Variants in ARL6IP5 observed in about 807,000 individuals in gnomAD.
The protein encoded by ARL6IP5 is ARF like GTPase 6 interacting protein 5.
Under a neutral mutation model 13.0 loss-of-function variants are expected in ARL6IP5, and 6 were observed. The ratio of observed to expected loss-of-function variants is 0.46; its 90% CI spans 0.25 to 0.91. The LOEUF (loss-of-function observed/expected upper bound fraction) is 0.91. Ranked by LOEUF, ARL6IP5 falls within the 40% of genes least tolerant of loss-of-function variation. ARL6IP5 has a pLI of 0.17. For synonymous variants in ARL6IP5, 91 were observed against 91.9 expected, an observed-to-expected ratio of 0.99 and a Z score of 0.06; for missense variants, 208 against 248.8, an observed-to-expected ratio of 0.84 and a Z score of 1.10.
intron 1 of ARL6IP5, among the ~76,000 whole-genome samples, chr3:69,090,460 T>C (rs770077862): frequency 2.6e-5 from 4 of 152,204 alleles, no homozygotes; most frequent in Non-Finnish European, 5.9e-5. Context: ...TGATAACTAA[T>C]TTGTATACAA....
chr3:69,093,727 A>C lies in ARL6IP5; in HGVS notation c.177-8112A>C, dbSNP rs796443649. Among the ~76,000 whole-genome samples the C allele has an allele frequency of 9.9e-5, 15 of 151,182 alleles. 1 individual carries two copies. The highest frequency in any genetic ancestry group is 3.6e-4 in the African/African-American group (15 of 41,128). ...CAGCGAGCCAAGATTGTGTCACTGC[A>C]CTTCAGCCTGCCGACAGAGGGAGAT... On this transcript the variant is annotated intron_variant, in intron 1 of 2. Transcript: ENST00000273258.
chr3:69,094,538 C>T (rs139397665), intron 1 of ARL6IP5, among the ~76,000 whole-genome samples: 24 of 152,092 alleles, frequency 1.6e-4, no homozygotes, highest in Middle Eastern at 3.4e-3. Flanking sequence ...AGAAGTCCAC[C>T]GTGAGTATAT....
chr3:69,104,747 T>C lies in ARL6IP5; in HGVS notation c.*111T>C. The stretch of plus-strand genomic sequence containing the variant: ...AACAGGAGGTGCACGTACCACCCAA[T>C]TATCTATGGCAGCATGCATGTATAG... On this transcript the variant is annotated 3_prime_UTR_variant, in exon 3 of 3. Coordinates refer to ENST00000273258, the MANE Select transcript of ARL6IP5 (RefSeq NM_006407.4). The C allele has an allele frequency of 2.5e-6, 3 of 1,200,432 alleles. No individual in the cohort carries two copies. Among genetic ancestry groups the C allele is most frequent in the Non-Finnish European group, 3.6e-6 (3 of 831,064 alleles). The allele number at this position is 1,200,432 out of a possible 1,614,324, so 74.4% of individuals were successfully genotyped here.
chr3:69,085,257 C>A (rs771000582), intron 1 of ARL6IP5, 34 bp downstream of exon 1: 3 of 1,592,222 alleles, frequency 1.9e-6, no homozygotes, highest in South Asian at 1.1e-5. Context: ...GACACCGATC[C>A]GGGGCGAGCA....
rs777496529 is a variant in ARL6IP5, at chr3:69,102,071, G to GT, written c.394+21dup. The GT allele has an allele frequency of 2.4e-5, 38 of 1,609,298 alleles. No homozygotes were observed. Among genetic ancestry groups the GT allele is most frequent in the Non-Finnish European group, 3.0e-5 (35 of 1,175,996 alleles). ...TCCTTTGCTGTGTAAGTGAACTTGA[G>GT]TTTTTTCTTCCATCATCAAAAAAAT... is the stretch of plus-strand genomic sequence containing the variant. On this transcript the variant is annotated intron_variant, in intron 2 of 2. Coordinates refer to ENST00000273258, the MANE Select transcript of ARL6IP5 (RefSeq NM_006407.4).
intron 1 of ARL6IP5, among the ~76,000 whole-genome samples, chr3:69,094,497 T>C (rs2092280662): frequency 6.6e-6 from 1 of 152,136 alleles, no homozygotes; most frequent in Non-Finnish European, 1.5e-5. Flanking sequence ...TCTGGCTGAT[T>C]AAGGACCACA....
chr3:69,085,189 C>T lies in ARL6IP5; in HGVS notation c.142C>T (p.Leu48=). ...SNLLYYQTNY[L]VVAAMMISIV... is the part of the protein sequence containing the mutation. ...CCTGCTCTATTACCAGACCAACTAC[C>T]TGGTGGTGGCTGCCATGATGATTTC... The change falls in exon 1 of 3, where the codon CTG becomes TTG. Residue 48 remains leucine (L), a synonymous_variant. Coordinates refer to ENST00000273258, the MANE Select transcript of ARL6IP5 (RefSeq NM_006407.4). 1.9e-6 allele frequency: 3 copies of T among 1,614,032 alleles called. No individual in the cohort carries two copies. The highest frequency in any genetic ancestry group is 2.5e-6 in the Non-Finnish European group (3 of 1,179,944).
chr3:69,092,860 A>C (rs562831678), intron 1 of ARL6IP5, among the ~76,000 whole-genome samples: 38 of 151,758 alleles, frequency 2.5e-4, no homozygotes, highest in African/African-American at 7.5e-4. Context: ...ATTCAAGAAG[A>C]ACAGTTTGTA....
intron 1 of ARL6IP5, chr3:69,099,906 A>C (rs1696466882): frequency 6.5e-6 from 1 of 152,760 alleles, no homozygotes; most frequent in African/African-American, 2.4e-5. Flanking sequence ...ATAATGCCCA[A>C]AACTTTGTCT....
rs1575867257 is a variant in ARL6IP5 at position 69,105,870 on chromosome 3, G to C, written c.*1234G>C. The C allele has an allele frequency of 6.6e-6, 1 of 152,154 alleles. No homozygotes were observed. The highest frequency in any genetic ancestry group is 2.4e-5 in the African/African-American group (1 of 41,446). The allele number at this position is 152,154 out of a possible 1,614,324, so 9.4% of individuals were successfully genotyped here. On this transcript the variant is annotated 3_prime_UTR_variant, in exon 3 of 3. Coordinates refer to ENST00000273258, the MANE Select transcript of ARL6IP5 (RefSeq NM_006407.4). The stretch of plus-strand genomic sequence containing the variant: ...ATTAAATTGTGAAGACAACTGGAGT[G>C]GTACTTACTGAAGAAACTCTCTGTA...
intron 1 of ARL6IP5, among the ~76,000 whole-genome samples, chr3:69,098,846 A>G (rs962922569): frequency 2.0e-5 from 3 of 152,180 alleles, no homozygotes; most frequent in African/African-American, 4.8e-5. Flanking sequence ...TGTGTATACA[A>G]TACCACAGCT....
chr3:69,103,134 T>A (rs1051293970), intron 2 of ARL6IP5, among the ~76,000 whole-genome samples: 10 of 152,248 alleles, frequency 6.6e-5, no homozygotes, highest in African/African-American at 2.4e-4. Context: ...GGATAAAATA[T>A]CTGAGCCAAC....
At chr3:69,090,995 A>C (rs1224686814) in intron 1 of ARL6IP5, among the ~76,000 whole-genome samples, 1 of 152,120 alleles carries the variant, frequency 6.6e-6, no homozygotes, top group African/African-American at 2.4e-5. Context: ...TCAGGAGTTT[A>C]AGACCAGCCC....
In ARL6IP5 at chr3:69,085,746, A is replaced by AG. The variant is rs556401244; in HGVS notation, c.176+530dup. Among the ~76,000 whole-genome samples, 77 of 151,968 alleles carry AG rather than the reference A, an allele frequency of 5.1e-4. 1 individual carries two copies. Among genetic ancestry groups the AG allele is most frequent in the South Asian group, 4.8e-3 (23 of 4,784 alleles). On this transcript the variant is annotated intron_variant, in intron 1 of 2. Transcript: ENST00000273258. ...CAGTAAAGCTGAGCTTGGGATCAAA[A>AG]GGGGGGGTGTCTCCTGGTGGCGCAT...
chr3:69,093,856 G>A (rs1356066469), intron 1 of ARL6IP5, among the ~76,000 whole-genome samples: 1 of 152,192 alleles, frequency 6.6e-6, no homozygotes, highest in Non-Finnish European at 1.5e-5. Context: ...TACTCAGAAG[G>A]CTGAGGAAGG....
At chr3:69,091,123 G>C (rs751657651) in intron 1 of ARL6IP5, among the ~76,000 whole-genome samples, 1 of 152,118 alleles carries the variant, frequency 6.6e-6, no homozygotes, top group Non-Finnish European at 1.5e-5. Flanking sequence ...TTTTGAGCGT[G>C]GGAGGCGGAG....
At position 69,085,079 on chromosome 3, in the gene ARL6IP5, G is replaced by T; in HGVS notation, c.32G>T (p.Trp11Leu). MDVNIAPLRA[W>L]DDFFPGSDRF... ...GTTAATATCGCCCCACTCCGCGCCT[G>T]GGACGATTTCTTCCCGGGTTCCGAT... Residue 11 changes from tryptophan to leucine, a missense_variant, in exon 1 of 3, where the codon TGG becomes TTG. Physicochemically the swap from Trp to Leu is moderately conservative, Grantham distance 61. Transcript: ENST00000273258. 1 of 1,614,162 alleles carries T rather than the reference G, an allele frequency of 6.2e-7. No homozygotes were observed. The highest frequency in any genetic ancestry group is 8.5e-7 in the Non-Finnish European group (1 of 1,180,032).
chr3:69,087,072 G>A (rs898195514), intron 1 of ARL6IP5, among the ~76,000 whole-genome samples: 1 of 151,974 alleles, frequency 6.6e-6, no homozygotes, highest in Non-Finnish European at 1.5e-5. Context: ...CCAGGCTGGA[G>A]TGCAGTATTG....
At chr3:69,104,257 A>T (rs1272464129) in intron 2 of ARL6IP5, among the ~76,000 whole-genome samples, 1 of 152,144 alleles carries the variant, frequency 6.6e-6, no homozygotes, top group Non-Finnish European at 1.5e-5. Flanking sequence ...ATTTTCCTTT[A>T]ATGCAGAAAA....
Sources: gnomAD v4.1 joint callset for allele counts (sites outside exome capture counted in the v4.1 genomes callset) on GRCh38, gnomAD v4.1.1 for gene constraint, MANE v1.5 for transcripts, NCBI Gene and HGNC (gene_info 2026-07-23, HGNC 2026-07-21) for gene names.